Variants in ESCO1 observed in about 807,000 individuals in gnomAD.
ESCO1 encodes the protein establishment of sister chromatid cohesion N-acetyltransferase 1.
A neutral mutation model predicts 83.5 loss-of-function variants in ESCO1; 33 were observed. The observed-to-expected ratio is 0.40, with a 90% confidence interval of 0.30 to 0.53. The LOEUF is 0.53. Among genes scored for constraint, ESCO1 ranks in the 20% least tolerant of loss-of-function variants. The pLI is 0.63. For missense variants in ESCO1, 855 were observed against 968.0 expected (o/e 0.88, Z 1.55); for synonymous variants, 332 against 324.3 (o/e 1.02, Z -0.25).
intron 1 of ESCO1, among the ~76,000 whole-genome samples, chr18:21,595,067 G>A (rs1013757929): frequency 4.6e-5 from 7 of 151,162 alleles, no homozygotes; most frequent in Admixed American, 1.3e-4. Flanking sequence ...GGCTGGTCTC[G>A]AACTCCTGGG....
intron 2 of ESCO1, among the ~76,000 whole-genome samples, chr18:21,579,771 GAC>G (rs200274564): frequency 0.019 from 2,208 of 117,840 alleles, 117 homozygotes; most frequent in African/African-American, 0.062. Flanking sequence ...GCGAGATTCT[GAC>G]ACACACACAC....
intron 7 of ESCO1, among the ~76,000 whole-genome samples, chr18:21,561,801 C>G (rs970175609): frequency 7.2e-5 from 11 of 152,134 alleles, no homozygotes; most frequent in Non-Finnish European, 1.5e-4. Flanking sequence ...GAACTGAGCT[C>G]AAGCGATCCT....
chr18:21,567,925 T>A lies in ESCO1; in HGVS notation c.1645+55A>T. 4 of 1,363,730 alleles carry A rather than the reference T, an allele frequency of 2.9e-6. No individual in the cohort carries two copies. The South Asian group carries it at 3.7e-5, about 12-fold the overall frequency. The allele number at this position is 1,363,730 out of a possible 1,614,324, so 84.5% of individuals were successfully genotyped here. A position where few individuals can be genotyped will look rare whatever the true frequency, so the allele number is the denominator to read the frequency against. ...TGGTATATAACATTTTCTGTAATAC[T>A]GACAAAAATGTCACTGAAGACTATG... On this transcript the variant is annotated intron_variant, in intron 5 of 11. Coordinates refer to ENST00000269214, the MANE Select transcript of ESCO1 (RefSeq NM_052911.3).
intron 1 of ESCO1, chr18:21,593,338 C>T (rs1207301762): frequency 4.2e-5 from 7 of 168,138 alleles, no homozygotes; most frequent in Non-Finnish European, 2.5e-5. Context: ...TCTGCAATCC[C>T]GGCACCTCTG....
At chr18:21,599,617 T>C (rs2038813019) in intron 1 of ESCO1, among the ~76,000 whole-genome samples, 3 of 152,178 alleles carry the variant, frequency 2.0e-5, no homozygotes, top group Admixed American at 6.5e-5. Context: ...TGTGCTGCGA[T>C]TCCTGTTTAA....
chr18:21,573,226 G>T (rs1473368888), intron 4 of ESCO1, 88 bp downstream of exon 4: 2 of 1,279,408 alleles, frequency 1.6e-6, no homozygotes, highest in Non-Finnish European at 2.1e-6. Flanking sequence ...AATCTTTTAT[G>T]ACTTCATTCT....
intron 8 of ESCO1, among the ~76,000 whole-genome samples, chr18:21,556,398 C>T (rs920076490): frequency 1.3e-5 from 2 of 152,132 alleles, no homozygotes; most frequent in African/African-American, 4.8e-5. Flanking sequence ...AAATTATATG[C>T]ACTCAAATTT....
chr18:21,577,355 C>CTT (rs71178186), intron 2 of ESCO1, among the ~76,000 whole-genome samples: 25 of 51,432 alleles, frequency 4.9e-4, no homozygotes, highest in Non-Finnish European at 7.4e-4. Flanking sequence ...GAGACTCCAT[C>CTT]TTTTTTAAAA....
At chr18:21,564,101 T>C (rs1003541927) in intron 7 of ESCO1, 102 bp downstream of exon 7, 2 of 778,820 alleles carry the variant, frequency 2.6e-6, no homozygotes, top group Non-Finnish European at 4.2e-6. Flanking sequence ...AAACCTCTTT[T>C]CTATAAAAAT....
chr18:21,592,204 T>G (rs2038681206), intron 1 of ESCO1, among the ~76,000 whole-genome samples: 1 of 145,660 alleles, frequency 6.9e-6, no homozygotes, highest in Non-Finnish European at 1.5e-5. Context: ...CCAGACGGGG[T>G]GGTGGCCGGG....
intron 8 of ESCO1, among the ~76,000 whole-genome samples, chr18:21,550,790 T>C (rs1319876753): frequency 6.6e-6 from 1 of 152,150 alleles, no homozygotes; most frequent in Non-Finnish European, 1.5e-5. Flanking sequence ...ACTGTAACTG[T>C]TGTAATAAGA....
At chr18:21,536,269 CT>C in intron 9 of ESCO1, 84 bp from the exon 10 acceptor site, 1 of 1,431,812 alleles carries the variant, frequency 7.0e-7, no homozygotes, top group Admixed American at 2.1e-5. Context: ...AGTAGATCAA[CT>C]TTATTCCAAG....
At chr18:21,533,677 A>C (rs538524011) in intron 10 of ESCO1, among the ~76,000 whole-genome samples, 1 of 152,218 alleles carries the variant, frequency 6.6e-6, no homozygotes, top group Admixed American at 6.5e-5. Flanking sequence ...AAACACCGCT[A>C]TAAGTCATTT....
intron 8 of ESCO1, among the ~76,000 whole-genome samples, chr18:21,554,859 G>A (rs2038092517): frequency 6.6e-6 from 1 of 152,038 alleles, no homozygotes; most frequent in Admixed American, 6.6e-5. Flanking sequence ...AGTGAGCAGA[G>A]ATCATGCCAC....
At chr18:21,570,045 T>C (rs889917749) in intron 4 of ESCO1, among the ~76,000 whole-genome samples, 1 of 152,144 alleles carries the variant, frequency 6.6e-6, no homozygotes, top group African/African-American at 2.4e-5. Context: ...TCTGTGACAG[T>C]GGTCAAAATG....
At chr18:21,550,351 A>G (rs1482559130) in intron 8 of ESCO1, among the ~76,000 whole-genome samples, 2 of 152,248 alleles carry the variant, frequency 1.3e-5, no homozygotes, top group East Asian at 1.9e-4. Flanking sequence ...AACTTCTACT[A>G]TAACATCTAA....
intron 8 of ESCO1, among the ~76,000 whole-genome samples, chr18:21,551,335 TGGC>T (rs2038045014): frequency 6.6e-6 from 1 of 150,846 alleles, no homozygotes; most frequent in Non-Finnish European, 1.5e-5. Context: ...CCAGGCGTAG[TGGC>T]GGCACCTGTA....
At chr18:21,550,167 T>C (rs943490622) in intron 8 of ESCO1, among the ~76,000 whole-genome samples, 1 of 152,144 alleles carries the variant, frequency 6.6e-6, no homozygotes, top group Admixed American at 6.5e-5. Flanking sequence ...ATGTTGATTA[T>C]GTCTGGAAGC....
At chr18:21,594,618 G>C (rs2038733121) in intron 1 of ESCO1, among the ~76,000 whole-genome samples, 1 of 151,874 alleles carries the variant, frequency 6.6e-6, no homozygotes. Flanking sequence ...GCAGGAGAAT[G>C]GTGTGAACCC....
Sources: allele counts gnomAD v4.1 joint callset (sites outside exome capture counted in the v4.1 genomes callset), GRCh38; gene constraint gnomAD v4.1.1; transcripts MANE v1.5; gene names NCBI Gene and HGNC (gene_info 2026-07-23, HGNC 2026-07-21).